MMP16: variants seen among roughly 807,000 people sequenced by gnomAD.
MMP16 encodes matrix metallopeptidase 16.
In MMP16, 12 loss-of-function variants were observed where a neutral mutation model predicts 67.8. The observed-to-expected ratio is 0.18, with a 90% CI of 0.11 to 0.29. MMP16 has a LOEUF of 0.29. Ranked by LOEUF, MMP16 falls within the 10% of genes least tolerant of loss-of-function variation. The pLI is 1.00. For synonymous variants in MMP16, 249 were observed against 255.9 expected, an observed-to-expected ratio of 0.97 and a Z score of 0.26; for missense variants, 475 against 765.7, an observed-to-expected ratio of 0.62 and a Z score of 4.48.
At chr8:88,123,680 G>A (rs2118450355) in intron 4 of MMP16, among the ~76,000 whole-genome samples, 1 of 151,982 alleles carries the variant, frequency 6.6e-6, no homozygotes, top group Admixed American at 6.6e-5. Context: ...AGCTCTCAGA[G>A]GCTATGGAAC....
intron 7 of MMP16, among the ~76,000 whole-genome samples, chr8:88,070,452 A>C (rs913651651): frequency 2.0e-5 from 3 of 152,114 alleles, no homozygotes; most frequent in African/African-American, 7.2e-5. Flanking sequence ...AGTGTCAGGC[A>C]CTGCTCCTTT....
In MMP16 at chr8:88,312,700, G is replaced by A. The variant is rs568267473; in HGVS notation, c.132+14375C>T. ...AGTGTCCATTTGAGCCAGGCACAGC[G>A]GCTCATGTTTGTAATCCCAACACTT... On this transcript the variant is annotated intron_variant, in intron 1 of 9. Coordinates refer to ENST00000286614, the MANE Select transcript of MMP16 (RefSeq NM_005941.5). Among the ~76,000 whole-genome samples, 18 of 152,190 alleles carry A rather than the reference G, an allele frequency of 1.2e-4. 1 individual carries two copies. The highest frequency in any genetic ancestry group is 5.8e-4 in the East Asian group (3 of 5,170).
intron 4 of MMP16, among the ~76,000 whole-genome samples, chr8:88,135,177 C>CATTAAACATT (rs1448201318): frequency 6.6e-6 from 1 of 151,642 alleles, no homozygotes; most frequent in Non-Finnish European, 1.5e-5. Context: ...ATTCATTAAG[C>CATTAAACATT]AAACATTTAT....
intron 4 of MMP16, among the ~76,000 whole-genome samples, chr8:88,149,873 A>G (rs1158480401): frequency 1.4e-4 from 21 of 149,326 alleles, no homozygotes; most frequent in Admixed American, 1.4e-3. Flanking sequence ...AATGACTTTG[A>G]TGAGCTGAGA....
rs371811981 is a variant in MMP16 at position 88,321,659 on chromosome 8, C to T, written c.132+5416G>A. ...CAGAAAAAAAATCTGAACTATCTAC[C>T]TTTGTGATTCAGTAGTTACCAAATT... On this transcript the variant is annotated intron_variant, in intron 1 of 9. Coordinates refer to ENST00000286614, the MANE Select transcript of MMP16 (RefSeq NM_005941.5). 9.0e-4 allele frequency among the ~76,000 whole-genome samples: 137 copies of T among 152,180 alleles called. 1 individual carries two copies. The highest frequency in any genetic ancestry group is 2.9e-3 in the South Asian group (14 of 4,826).
chr8:88,223,635 T>A (rs913883035), intron 1 of MMP16, among the ~76,000 whole-genome samples: 2 of 134,856 alleles, frequency 1.5e-5, no homozygotes, highest in African/African-American at 5.7e-5. Context: ...AGGTGGGAAC[T>A]GAACAATGAA....
intron 8 of MMP16, among the ~76,000 whole-genome samples, chr8:88,055,906 T>C (rs1412540342): frequency 2.0e-5 from 3 of 152,164 alleles, no homozygotes; most frequent in East Asian, 1.9e-4. Context: ...AAAAAACATA[T>C]GCTAGGTATA....
Position 88,122,914 on chromosome 8 carries a change from C to G in MMP16, c.710-4053G>C, listed in dbSNP as rs28907624. The stretch of plus-strand genomic sequence containing the variant: ...CTCTCTCTCTCTCCCCTCCTCCCCC[C>G]ACCCCTGCCTCCTCTACAGCCATAT... On this transcript the variant is annotated intron_variant, in intron 4 of 9. Transcript: ENST00000286614. Among the ~76,000 whole-genome samples, 294 of 151,658 alleles carry G rather than the reference C, an allele frequency of 1.9e-3. 2 individuals are homozygous for G. Among genetic ancestry groups the G allele is most frequent in the African/African-American group, 5.2e-3 (217 of 41,350 alleles).
At chr8:88,247,994 G>A (rs2129916686) in intron 1 of MMP16, among the ~76,000 whole-genome samples, 1 of 152,068 alleles carries the variant, frequency 6.6e-6, no homozygotes, top group South Asian at 2.1e-4. Flanking sequence ...ATTGGGGAGT[G>A]GGCACCAAGG....
intron 3 of MMP16, among the ~76,000 whole-genome samples, chr8:88,181,460 G>A (rs897448756): frequency 6.6e-6 from 1 of 151,704 alleles, no homozygotes; most frequent in South Asian, 2.1e-4. Context: ...AAAATACTTA[G>A]AAATAAATCT....
At chr8:88,310,020 A>T (rs935673104) in intron 1 of MMP16, among the ~76,000 whole-genome samples, 1 of 152,088 alleles carries the variant, frequency 6.6e-6, no homozygotes, top group South Asian at 2.1e-4. Flanking sequence ...ATCAGTTAAG[A>T]CCTCCAGTGA....
At chr8:88,168,108 T>C (rs1808742651) in intron 3 of MMP16, 135 bp from the exon 4 acceptor site, 3 of 638,684 alleles carry the variant, frequency 4.7e-6, no homozygotes, top group Admixed American at 6.4e-5. Context: ...TCATTCCTCT[T>C]GTCTCTACTG....
At chr8:88,129,082 G>C (rs1488838107) in intron 4 of MMP16, among the ~76,000 whole-genome samples, 1 of 151,738 alleles carries the variant, frequency 6.6e-6, no homozygotes, top group Non-Finnish European at 1.5e-5. Context: ...TGAGTTACTA[G>C]AGTAGGTGTG....
chr8:88,104,176 A>C (rs28906371), intron 6 of MMP16, among the ~76,000 whole-genome samples: 2 of 151,744 alleles, frequency 1.3e-5, no homozygotes, highest in African/African-American at 4.8e-5. Context: ...ACAATAGTAC[A>C]TATTTTAAAA....
At chr8:88,100,496 T>C (rs1266245016) in intron 6 of MMP16, among the ~76,000 whole-genome samples, 1 of 152,012 alleles carries the variant, frequency 6.6e-6, no homozygotes, top group African/African-American at 2.4e-5. Context: ...GGAGAGGATA[T>C]AGAGAAATAG....
intron 4 of MMP16, among the ~76,000 whole-genome samples, chr8:88,140,299 A>C (rs561862075): frequency 2.6e-5 from 4 of 152,270 alleles, no homozygotes; most frequent in Non-Finnish European, 4.4e-5. Context: ...GAAATAAAAG[A>C]GTAAGAGAGT....
chr8:88,078,203 A>G (rs1376017538), intron 6 of MMP16, among the ~76,000 whole-genome samples: 1 of 152,150 alleles, frequency 6.6e-6, no homozygotes, highest in Admixed American at 6.5e-5. Flanking sequence ...GCCTATCTGC[A>G]AAGTCAAGTT....
chr8:88,157,515 G>C (rs2129667365), intron 4 of MMP16, among the ~76,000 whole-genome samples: 1 of 151,706 alleles, frequency 6.6e-6, no homozygotes, highest in South Asian at 2.1e-4. Flanking sequence ...TGACACCTGA[G>C]GCAACTTCCG....
At chr8:88,101,339 C>T (rs1809141402) in intron 6 of MMP16, among the ~76,000 whole-genome samples, 1 of 151,840 alleles carries the variant, frequency 6.6e-6, no homozygotes, top group African/African-American at 2.4e-5. Flanking sequence ...CATTCCTCCA[C>T]ATACTAATTA....
Sources: allele counts gnomAD v4.1 joint callset (sites outside exome capture counted in the v4.1 genomes callset), GRCh38; gene constraint gnomAD v4.1.1; transcripts MANE v1.5; gene names NCBI Gene and HGNC (gene_info 2026-07-23, HGNC 2026-07-21).